Variants in ADAM12 observed in about 807,000 individuals in gnomAD.
The protein encoded by ADAM12 is ADAM metallopeptidase domain 12.
Under a neutral mutation model 106.4 loss-of-function variants are expected in ADAM12, and 70 were observed. The observed-to-expected ratio is 0.66, with a 90% confidence interval of 0.54 to 0.80. The LOEUF (loss-of-function observed/expected upper bound fraction) is 0.80. Ranked by LOEUF, ADAM12 falls within the 30% of genes least tolerant of loss-of-function variation. The pLI is 0.00. For missense variants in ADAM12, 1,010 were observed against 1,171.9 expected, an observed-to-expected ratio of 0.86 and a Z score of 2.02; for synonymous variants, 420 against 433.5, an observed-to-expected ratio of 0.97 and a Z score of 0.39.
In ADAM12 at chr10:126,318,328, TCACA is replaced by T. The variant is rs944536677; in HGVS notation, c.186+12080_186+12083del. 3.7e-4 allele frequency among the ~76,000 whole-genome samples: 56 copies of T among 151,128 alleles called. 1 individual carries two copies. Among genetic ancestry groups the T allele is most frequent in the African/African-American group, 1.3e-3 (53 of 41,142 alleles). Reference sequence around the variant, plus strand: ...TACACCCACACACTCACATATACTTTCACACACAAACTCACACACATTCACACTC... The same window carrying T: ...TACACCCACACACTCACATATACTTTCACAAACTCACACACATTCACACTC... On this transcript the variant is annotated intron_variant, in intron 2 of 22. Coordinates refer to ENST00000448723, the MANE Select transcript of ADAM12 (RefSeq NM_001288973.2).
chr10:126,069,612 G>A (rs1954943906), intron 12 of ADAM12, among the ~76,000 whole-genome samples: 1 of 152,236 alleles, frequency 6.6e-6, no homozygotes, highest in African/African-American at 2.4e-5. Context: ...AGGCACTCAA[G>A]CATTTGCTGA....
At chr10:126,239,457 A>T (rs1201981751) in intron 3 of ADAM12, among the ~76,000 whole-genome samples, 1 of 152,170 alleles carries the variant, frequency 6.6e-6, no homozygotes, top group Non-Finnish European at 1.5e-5. Context: ...TTTAACCCTC[A>T]ACTTTCTGGA....
chr10:126,201,565 T>C (rs1293579674), intron 3 of ADAM12, among the ~76,000 whole-genome samples: 1 of 152,158 alleles, frequency 6.6e-6, no homozygotes, highest in East Asian at 1.9e-4. Context: ...CTTCCAGAGC[T>C]GCGAGAGACC....
At chr10:126,378,886 T>C (rs1856391478) in intron 1 of ADAM12, among the ~76,000 whole-genome samples, 1 of 152,210 alleles carries the variant, frequency 6.6e-6, no homozygotes, top group Non-Finnish European at 1.5e-5. Context: ...ATACTGAAAT[T>C]GGCTGAAATA....
chr10:126,181,715 A>T (rs1278378), intron 3 of ADAM12, among the ~76,000 whole-genome samples: 9,602 of 152,184 alleles, frequency 0.063, 447 homozygotes, highest in African/African-American at 0.12. Flanking sequence ...TTCCACCTCC[A>T]TTTCTCAGTT....
At chr10:126,285,009 G>A (rs1365350260) in intron 2 of ADAM12, among the ~76,000 whole-genome samples, 1 of 152,236 alleles carries the variant, frequency 6.6e-6, no homozygotes. Context: ...ATTGGAGACT[G>A]TGCAGGCCAA....
chr10:126,337,344 T>A (rs529178549), intron 1 of ADAM12, among the ~76,000 whole-genome samples: 78 of 152,238 alleles, frequency 5.1e-4, no homozygotes, highest in African/African-American at 1.8e-3. Flanking sequence ...GCCAGAAGAC[T>A]CAGCAAGCAA....
chr10:126,037,360 A>G (rs1308768403), intron 20 of ADAM12, among the ~76,000 whole-genome samples: 4 of 151,514 alleles, frequency 2.6e-5, no homozygotes. Flanking sequence ...TACCACACAA[A>G]GCCGTTCTCG....
chr10:126,086,071 C>T (rs1025827313), intron 11 of ADAM12, among the ~76,000 whole-genome samples: 2 of 152,088 alleles, frequency 1.3e-5, no homozygotes, highest in Admixed American at 1.3e-4. Flanking sequence ...TGCTGTACAA[C>T]AAATAAAATG....
intron 2 of ADAM12, among the ~76,000 whole-genome samples, chr10:126,290,584 C>T (rs1186632402): frequency 6.6e-6 from 1 of 152,230 alleles, no homozygotes; most frequent in Non-Finnish European, 1.5e-5. Context: ...TGCTACTGCA[C>T]AGCATGACAG....
chr10:126,369,686 G>C (rs962265512), intron 1 of ADAM12, among the ~76,000 whole-genome samples: 1 of 152,158 alleles, frequency 6.6e-6, no homozygotes, highest in Non-Finnish European at 1.5e-5. Context: ...TACATAGTGA[G>C]TGGACACCTC....
At chr10:126,227,983 T>A (rs752499389) in intron 3 of ADAM12, among the ~76,000 whole-genome samples, 6 of 151,844 alleles carry the variant, frequency 4.0e-5, no homozygotes, top group Non-Finnish European at 8.8e-5. Flanking sequence ...GTGGGGACCT[T>A]CCTGTGATGA....
intron 3 of ADAM12, among the ~76,000 whole-genome samples, chr10:126,233,238 G>A (rs141176597): frequency 0.012 from 1,778 of 152,284 alleles, 39 homozygotes; most frequent in African/African-American, 0.041. Flanking sequence ...AGTGGAGAAG[G>A]AGCAGTCTGG....
At chr10:126,031,120 G>A (rs1334566761) in intron 21 of ADAM12, among the ~76,000 whole-genome samples, 1 of 152,152 alleles carries the variant, frequency 6.6e-6, no homozygotes, top group African/African-American at 2.4e-5. Context: ...GTGAGATCTG[G>A]AATGCAGGGA....
chr10:126,354,650 T>C (rs890841315), intron 1 of ADAM12, among the ~76,000 whole-genome samples: 9 of 152,198 alleles, frequency 5.9e-5, no homozygotes, highest in Admixed American at 5.2e-4. Flanking sequence ...TGAGAAAAGA[T>C]AATGTTTAAT....
At chr10:126,333,896 G>C (rs1854605171) in intron 1 of ADAM12, among the ~76,000 whole-genome samples, 1 of 152,164 alleles carries the variant, frequency 6.6e-6, no homozygotes, top group African/African-American at 2.4e-5. Context: ...AGAATGTGGT[G>C]CAACCTTTTT....
At chr10:126,108,711 C>G in intron 7 of ADAM12, 47 bp from the exon 8 acceptor site, 1 of 1,507,722 alleles carries the variant, frequency 6.6e-7, no homozygotes, top group Non-Finnish European at 9.2e-7. Flanking sequence ...GAATATCAAT[C>G]ACGTTTCATC....
In ADAM12 at chr10:126,388,340, C is replaced by CGG. The variant is rs1564772144; in HGVS notation, c.-196_-195insCC. ...CTTTCATTTTTAAAAAAGTTTCCCC[C>CGG]CGTGTGTGTGCGTGCGTGCGCGCGC... is the stretch of plus-strand genomic sequence containing the variant. On this transcript the variant is annotated 5_prime_UTR_variant, in exon 1 of 23. Transcript: ENST00000448723. The surrounding 1 kb of genome is among the most constrained non-coding windows in gnomAD (Gnocchi z 4.4). The CGG allele has an allele frequency of 3.4e-6, 3 of 877,946 alleles. No homozygotes were observed. In the African/African-American group the frequency reaches 5.3e-5, roughly 16 times the overall value. 54.4% of individuals were successfully genotyped at this position (877,946 alleles called of 1,614,324 possible).
At chr10:126,278,867 T>C (rs781008677) in intron 3 of ADAM12, 48 bp downstream of exon 3, 1 of 1,409,256 alleles carries the variant, frequency 7.1e-7, no homozygotes, top group Non-Finnish European at 9.9e-7. Flanking sequence ...TTTCTGTCCA[T>C]GGTGTCTTAA....
Sources: allele counts gnomAD v4.1 joint callset (sites outside exome capture counted in the v4.1 genomes callset), GRCh38; gene constraint gnomAD v4.1.1; non-coding constraint Gnocchi (gnomAD v3.1); transcripts MANE v1.5; gene names NCBI Gene and HGNC (gene_info 2026-07-23, HGNC 2026-07-21).